The following NELL1 variants were observed in gnomAD, a reference collection of about 807,000 sequenced individuals.
NELL1 encodes protein kinase C-binding protein NELL1.
In NELL1, 76 loss-of-function variants were observed where a neutral mutation model predicts 107.4. That is an observed-to-expected ratio of 0.71 (90% CI 0.59 to 0.86). The LOEUF is 0.86. Among genes scored for constraint, NELL1 ranks in the 40% least tolerant of loss-of-function variants. The pLI, the probability that NELL1 is intolerant of heterozygous loss-of-function variation, is 0.00. For missense variants in NELL1, 1,024 were observed against 1,005.5 expected, an observed-to-expected ratio of 1.02 and a Z score of -0.25; for synonymous variants, 353 against 341.2, an observed-to-expected ratio of 1.03 and a Z score of -0.38.
intron 3 of NELL1, among the ~76,000 whole-genome samples, chr11:20,828,870 T>C (rs1857941780): frequency 6.6e-6 from 1 of 152,208 alleles, no homozygotes. Flanking sequence ...ATTATAAGAA[T>C]AACTCAATCC....
chr11:21,406,137 CAATG>C (rs879540772), intron 15 of NELL1, among the ~76,000 whole-genome samples: 5 of 151,780 alleles, frequency 3.3e-5, no homozygotes, highest in Non-Finnish European at 5.9e-5. Context: ...AGGGAGAAGA[CAATG>C]AAAGAGAGAG....
At chr11:21,263,564 T>G (rs992625693) in intron 14 of NELL1, among the ~76,000 whole-genome samples, 3 of 151,958 alleles carry the variant, frequency 2.0e-5, no homozygotes, top group Non-Finnish European at 1.5e-5. Flanking sequence ...TGTTCCATAG[T>G]GCAGAAAATA....
chr11:20,903,163 T>C (rs1370950642), intron 5 of NELL1, among the ~76,000 whole-genome samples: 7 of 152,090 alleles, frequency 4.6e-5, no homozygotes, highest in South Asian at 4.1e-4. Context: ...AATATATGTA[T>C]ATATGTGTGT....
intron 15 of NELL1, among the ~76,000 whole-genome samples, chr11:21,384,716 G>A (rs533000227): frequency 6.6e-6 from 1 of 151,732 alleles, no homozygotes; most frequent in African/African-American, 2.4e-5. Flanking sequence ...TTGTTCTTGC[G>A]ATAGTTTACT....
chr11:20,931,269 C>A (rs1031223335), intron 9 of NELL1, among the ~76,000 whole-genome samples: 17 of 151,970 alleles, frequency 1.1e-4, no homozygotes, highest in African/African-American at 3.9e-4. Context: ...GGACATGGAG[C>A]CAAGTTAAAT....
At chr11:21,563,665 T>C (rs1856902764) in intron 17 of NELL1, among the ~76,000 whole-genome samples, 1 of 152,092 alleles carries the variant, frequency 6.6e-6, no homozygotes, top group Non-Finnish European at 1.5e-5. Flanking sequence ...TGCAGTTATA[T>C]GCAAATACTA....
chr11:21,238,275 C>G (rs1308509053), intron 14 of NELL1, among the ~76,000 whole-genome samples: 1 of 152,024 alleles, frequency 6.6e-6, no homozygotes, highest in Non-Finnish European at 1.5e-5. Flanking sequence ...TATTTCTTTT[C>G]ATTTCCATAA....
intron 13 of NELL1, among the ~76,000 whole-genome samples, chr11:21,141,629 G>A (rs1292917240): frequency 6.6e-6 from 1 of 152,142 alleles, no homozygotes; most frequent in Non-Finnish European, 1.5e-5. Context: ...AATGATAAAA[G>A]GAGGTGATTA....
rs1554967519 is a variant in NELL1 at position 21,099,218 on chromosome 11, C to CACACAA, written c.1301-14366_1301-14365insAACACA. 1.1e-3 allele frequency among the ~76,000 whole-genome samples: 153 copies of CACACAA among 143,006 alleles called. 2 individuals are homozygous for CACACAA. The East Asian group carries it at 0.02, about 19-fold the overall frequency. 93.8% of individuals were successfully genotyped at this position (143,006 alleles called of 152,430 possible). ...ACACACACACACACACACACACACA[C>CACACAA]ACACACACACACACAAACACACACA... On this transcript the variant is annotated intron_variant, in intron 12 of 19. Coordinates refer to ENST00000357134, the MANE Select transcript of NELL1 (RefSeq NM_006157.5).
intron 11 of NELL1, among the ~76,000 whole-genome samples, chr11:20,956,837 T>A (rs1475913250): frequency 6.6e-6 from 1 of 152,200 alleles, no homozygotes; most frequent in Non-Finnish European, 1.5e-5. Flanking sequence ...AAAGTACTGA[T>A]TTAAAGATGA....
intron 15 of NELL1, among the ~76,000 whole-genome samples, chr11:21,462,822 A>C (rs1046454510): frequency 2.0e-5 from 3 of 152,044 alleles, no homozygotes; most frequent in African/African-American, 4.8e-5. Context: ...AACTTGTTCA[A>C]ATTTTGAGTA....
intron 15 of NELL1, among the ~76,000 whole-genome samples, chr11:21,387,856 A>G (rs1851782871): frequency 6.6e-6 from 1 of 151,854 alleles, no homozygotes; most frequent in Non-Finnish European, 1.5e-5. Flanking sequence ...AATATTTTAT[A>G]TTAGTGCAGA....
intron 14 of NELL1, among the ~76,000 whole-genome samples, chr11:21,243,964 G>A (rs1291264270): frequency 6.6e-6 from 1 of 152,044 alleles, no homozygotes; most frequent in Non-Finnish European, 1.5e-5. Context: ...GTTATGTTGA[G>A]CAGCCCAAGT....
At chr11:21,284,227 T>C in intron 14 of NELL1, 2 of 456,808 alleles carry the variant, frequency 4.4e-6, no homozygotes, top group South Asian at 3.1e-5. Context: ...GTGTCATTCA[T>C]TTAAAAAATT....
intron 14 of NELL1, among the ~76,000 whole-genome samples, chr11:21,325,560 AT>A (rs148925123): frequency 0.2 from 30,111 of 151,700 alleles, 3,182 homozygotes; most frequent in South Asian, 0.26. Flanking sequence ...AATAAGATTG[AT>A]TTTTTTCCCC....
intron 14 of NELL1, among the ~76,000 whole-genome samples, chr11:21,337,760 C>CTT (rs1166200275): frequency 2.1e-5 from 3 of 142,330 alleles, no homozygotes; most frequent in East Asian, 2.1e-4. Context: ...TTCTTTCTTT[C>CTT]TTTCTTTCTT....
intron 15 of NELL1, among the ~76,000 whole-genome samples, chr11:21,409,960 A>C (rs978847709): frequency 6.6e-6 from 1 of 152,100 alleles, no homozygotes; most frequent in African/African-American, 2.4e-5. Context: ...AATGAGTTTA[A>C]ATTTTTTTAA....
chr11:21,215,487 G>C (rs534571043), intron 13 of NELL1, among the ~76,000 whole-genome samples: 1 of 152,340 alleles, frequency 6.6e-6, no homozygotes, highest in South Asian at 2.1e-4. Flanking sequence ...AACAGGCAGA[G>C]ATTGGAACAG....
At chr11:21,492,948 G>C (rs1311556748) in intron 15 of NELL1, among the ~76,000 whole-genome samples, 1 of 151,970 alleles carries the variant, frequency 6.6e-6, no homozygotes, top group African/African-American at 2.4e-5. Context: ...TTTCTCAAAA[G>C]AAGACATACA....
Sources: allele counts gnomAD v4.1 joint callset (sites outside exome capture counted in the v4.1 genomes callset), GRCh38; gene constraint gnomAD v4.1.1; transcripts MANE v1.5; gene names NCBI Gene and HGNC (gene_info 2026-07-23, HGNC 2026-07-21).